The following NKAIN3 variants were observed in gnomAD, a reference collection of about 807,000 sequenced individuals.
The protein encoded by NKAIN3 is sodium/potassium-transporting ATPase subunit beta-1-interacting protein 3.
In NKAIN3, 25 loss-of-function variants were observed where a neutral mutation model predicts 30.2. That is an observed-to-expected ratio of 0.83 (90% CI 0.60 to 1.16). The LOEUF (loss-of-function observed/expected upper bound fraction) is 1.16, where lower values mean the gene tolerates loss of function less well. Ranked by LOEUF, NKAIN3 falls within the 50% of genes most tolerant of loss-of-function variation. NKAIN3 has a pLI of 0.00. For synonymous variants in NKAIN3, 91 were observed against 89.6 expected (o/e 1.02, Z -0.09); for missense variants, 225 against 254.1 (o/e 0.89, Z 0.78).
At chr8:62,734,347 A>T (rs1431820504) in intron 3 of NKAIN3, among the ~76,000 whole-genome samples, 5 of 152,200 alleles carry the variant, frequency 3.3e-5, no homozygotes, top group Admixed American at 3.3e-4. Context: ...TGATTCTTAA[A>T]TTGTGCTGTT....
At chr8:62,445,305 C>T (rs1805452068) in intron 1 of NKAIN3, among the ~76,000 whole-genome samples, 1 of 150,580 alleles carries the variant, frequency 6.6e-6, no homozygotes, top group Non-Finnish European at 1.5e-5. Flanking sequence ...TGTTGGCCAT[C>T]TACGTGTCTT....
At chr8:62,726,712 A>G (rs1033935196) in intron 3 of NKAIN3, among the ~76,000 whole-genome samples, 1 of 152,038 alleles carries the variant, frequency 6.6e-6, no homozygotes, top group African/African-American at 2.4e-5. Context: ...AATAATTAAT[A>G]CCCTTCATAA....
intron 4 of NKAIN3, among the ~76,000 whole-genome samples, chr8:62,846,770 A>G (rs775266068): frequency 1.3e-4 from 20 of 152,132 alleles, no homozygotes; most frequent in Non-Finnish European, 2.4e-4. Flanking sequence ...GCTGCGAATA[A>G]AGACCCAAGG....
chr8:62,931,828 A>G (rs1453811264), intron 5 of NKAIN3, among the ~76,000 whole-genome samples: 1 of 152,192 alleles, frequency 6.6e-6, no homozygotes, highest in Admixed American at 6.5e-5. Flanking sequence ...AAAACATTTT[A>G]ACATCTTTTC....
chr8:62,934,336 C>T (rs1313935959), intron 5 of NKAIN3, among the ~76,000 whole-genome samples: 2 of 151,576 alleles, frequency 1.3e-5, no homozygotes, highest in African/African-American at 4.9e-5. Context: ...TGTGATGATG[C>T]CACTGCAGTC....
At chr8:62,298,882 T>C (rs1280395150) in intron 1 of NKAIN3, among the ~76,000 whole-genome samples, 4 of 149,704 alleles carry the variant, frequency 2.7e-5, no homozygotes, top group Non-Finnish European at 4.4e-5. Flanking sequence ...AATATATTAA[T>C]ATATTAATAG....
chr8:62,801,603 C>T (rs1161118758), intron 4 of NKAIN3, among the ~76,000 whole-genome samples: 1 of 152,066 alleles, frequency 6.6e-6, no homozygotes, highest in Non-Finnish European at 1.5e-5. Flanking sequence ...GACATCCACA[C>T]CAAAAACCCA....
intron 1 of NKAIN3, among the ~76,000 whole-genome samples, chr8:62,353,847 T>C (rs947782561): frequency 6.6e-6 from 1 of 152,184 alleles, no homozygotes; most frequent in Non-Finnish European, 1.5e-5. Context: ...ATTTATAATA[T>C]AAAATAGATA....
intron 4 of NKAIN3, among the ~76,000 whole-genome samples, chr8:62,785,468 G>A (rs1383156): frequency 0.51 from 76,978 of 151,848 alleles, 22,667 homozygotes; most frequent in Non-Finnish European, 0.67. Context: ...ATGGGCATTG[G>A]GTTTCTTTTT....
intron 3 of NKAIN3, among the ~76,000 whole-genome samples, chr8:62,595,832 C>G (rs1810815166): frequency 6.6e-6 from 1 of 151,944 alleles, no homozygotes; most frequent in Non-Finnish European, 1.5e-5. Flanking sequence ...GGAGCATGGG[C>G]TAGCAGGCCT....
At chr8:62,614,778 C>G (rs1811398076) in intron 3 of NKAIN3, among the ~76,000 whole-genome samples, 1 of 151,650 alleles carries the variant, frequency 6.6e-6, no homozygotes. Flanking sequence ...CATGTCGTAG[C>G]CACTGCTACC....
intron 1 of NKAIN3, among the ~76,000 whole-genome samples, chr8:62,355,185 A>G (rs1313577557): frequency 6.6e-6 from 1 of 152,194 alleles, no homozygotes; most frequent in East Asian, 1.9e-4. Context: ...CTTCAAGCTG[A>G]GGGTTCTTTT....
intron 1 of NKAIN3, among the ~76,000 whole-genome samples, chr8:62,426,731 C>T (rs1804819626): frequency 6.6e-6 from 1 of 151,990 alleles, no homozygotes. Context: ...ATAGTGGAGA[C>T]ATTGCATAGG....
At chr8:62,864,150 C>T (rs1259163178) in intron 4 of NKAIN3, 3 of 623,330 alleles carry the variant, frequency 4.8e-6, no homozygotes, top group Admixed American at 2.9e-5. Context: ...GGAAACCAGC[C>T]GGGCTGCGGC....
chr8:62,753,208 G>GCACA (rs10636968), intron 4 of NKAIN3, among the ~76,000 whole-genome samples: 29,024 of 146,796 alleles, frequency 0.2, 3,186 homozygotes, highest in East Asian at 0.28. Context: ...TAAAGAGGAT[G>GCACA]CACACACACA....
At chr8:62,301,079 A>C (rs1381287836) in intron 1 of NKAIN3, among the ~76,000 whole-genome samples, 1 of 152,122 alleles carries the variant, frequency 6.6e-6, no homozygotes, top group Non-Finnish European at 1.5e-5. Context: ...TCTATTTTGG[A>C]TATATTAAAT....
At chr8:62,745,031 C>G (rs1165296441) in intron 3 of NKAIN3, among the ~76,000 whole-genome samples, 3 of 152,158 alleles carry the variant, frequency 2.0e-5, no homozygotes, top group African/African-American at 7.2e-5. Flanking sequence ...TGTTACTACC[C>G]TTGTGATTCA....
intron 3 of NKAIN3, among the ~76,000 whole-genome samples, chr8:62,732,848 T>G (rs1233193843): frequency 6.6e-6 from 1 of 152,130 alleles, no homozygotes; most frequent in Non-Finnish European, 1.5e-5. Flanking sequence ...CTTTCAATAC[T>G]TCTGTGTCCA....
At chr8:62,383,663 C>A (rs958024796) in intron 1 of NKAIN3, 1 of 392,044 alleles carries the variant, frequency 2.6e-6, no homozygotes. Flanking sequence ...GCATTAAATT[C>A]TCCAACTTTC....
Sources: allele counts gnomAD v4.1 joint callset (sites outside exome capture counted in the v4.1 genomes callset), GRCh38; gene constraint gnomAD v4.1.1; transcripts MANE v1.5; gene names NCBI Gene and HGNC (gene_info 2026-07-23, HGNC 2026-07-21).